Variants in SEC14L4 observed in about 807,000 individuals in gnomAD.
SEC14L4 encodes SEC14-like protein 4.
In SEC14L4, 42 loss-of-function variants were observed where a neutral mutation model predicts 55.1. The ratio of observed to expected loss-of-function variants is 0.76; its 90% CI spans 0.60 to 0.99. The LOEUF (loss-of-function observed/expected upper bound fraction) is 0.99. Ranked by LOEUF, SEC14L4 falls within the 50% of genes least tolerant of loss-of-function variation. The pLI, the probability that SEC14L4 is intolerant of heterozygous loss-of-function variation, is 0.00. For missense variants in SEC14L4, 445 were observed against 512.1 expected, an observed-to-expected ratio of 0.87 and a Z score of 1.27; for synonymous variants, 206 against 206.8, an observed-to-expected ratio of 1.00 and a Z score of 0.03.
At position 30,489,843 on chromosome 22, in the gene SEC14L4, G is replaced by A; in HGVS notation, c.*264C>T. Reference sequence around the variant, plus strand: ...AGCAGGACCCATCCTCAGTGGACTGGATCATCTTCAGCGTTCTCATTCTCA... The same window carrying A: ...AGCAGGACCCATCCTCAGTGGACTGAATCATCTTCAGCGTTCTCATTCTCA... On this transcript the variant is annotated 3_prime_UTR_variant, in exon 12 of 12. Transcript: ENST00000255858. The A allele has an allele frequency of 6.5e-7, 1 of 1,549,932 alleles. No individual in the cohort carries two copies. The highest frequency in any genetic ancestry group is 8.7e-7 in the Non-Finnish European group (1 of 1,145,274).
intron 9 of SEC14L4, 22 bp from the exon 10 acceptor site, chr22:30,491,995 G>A (rs765417579): frequency 3.1e-6 from 5 of 1,613,874 alleles, no homozygotes; most frequent in Non-Finnish European, 3.4e-6. Context: ...GGGGGTGTGT[G>A]GGCACTAGAT....
intron 7 of SEC14L4, among the ~76,000 whole-genome samples, chr22:30,493,703 A>G (rs1017217439): frequency 6.6e-6 from 1 of 152,196 alleles, no homozygotes; most frequent in Admixed American, 6.6e-5. Context: ...AAGGACTGAA[A>G]CTAAAAAATA....
chr22:30,491,173 C>T (rs1315239319), intron 11 of SEC14L4, among the ~76,000 whole-genome samples: 1 of 152,148 alleles, frequency 6.6e-6, no homozygotes, highest in African/African-American at 2.4e-5. Flanking sequence ...CTGCATCTGG[C>T]CTGGAAGGCC....
intron 2 of SEC14L4, among the ~76,000 whole-genome samples, chr22:30,502,918 C>T (rs1936375442): frequency 6.6e-6 from 1 of 152,200 alleles, no homozygotes; most frequent in South Asian, 2.1e-4. Flanking sequence ...TTCGCTAAAT[C>T]CACTTCCTTA....
chr22:30,491,510 G>C (rs749587670), intron 11 of SEC14L4, 63 bp downstream of exon 11: 7 of 1,594,812 alleles, frequency 4.4e-6, no homozygotes, highest in Non-Finnish European at 6.0e-6. Context: ...GAGCTGGAAA[G>C]AGAGGGCAAG....
At chr22:30,503,648 C>G (rs1416583494) in intron 2 of SEC14L4, 29 bp downstream of exon 2, 1 of 1,534,536 alleles carries the variant, frequency 6.5e-7, no homozygotes, top group South Asian at 1.1e-5. Context: ...CCCTCCCTTT[C>G]TGCGTCCCCT....
chr22:30,491,206 G>T (rs1935938835), intron 11 of SEC14L4, among the ~76,000 whole-genome samples: 1 of 152,300 alleles, frequency 6.6e-6, no homozygotes, highest in Admixed American at 6.5e-5. Context: ...ATAAGCACCT[G>T]GAGGAAGTCA....
In SEC14L4 at chr22:30,505,606, G is replaced by A. The variant is rs753735197; in HGVS notation, c.6C>T (p.Ser2=). Reference sequence around the variant, plus strand: ...GGGGGCTCAGGTCCCCGACTCGGCTGCTCATGGTGCCCGCGGGCGCAGAAA... The same window carrying A: ...GGGGGCTCAGGTCCCCGACTCGGCTACTCATGGTGCCCGCGGGCGCAGAAA... The part of the protein sequence containing the change: M[S]SRVGDLSPQQ... Residue 2 remains serine (S), a synonymous_variant, in exon 1 of 12, where the codon AGC becomes AGT. Coordinates refer to ENST00000255858, the MANE Select transcript of SEC14L4 (RefSeq NM_174977.4). 2.9e-5 allele frequency: 45 copies of A among 1,559,524 alleles called. No individual in the cohort carries two copies. The highest frequency in any genetic ancestry group is 3.8e-5 in the Non-Finnish European group (44 of 1,157,010).
rs113436402 is a variant in SEC14L4, at chr22:30,495,985, A to C, written c.131-14T>G. On this transcript the variant is annotated splice_polypyrimidine_tract_variant and intron_variant, in intron 2 of 11. Transcript: ENST00000255858. ...CAAAGTTTCGAGCTGCAAGAAGAGG[A>C]GGTAAATAGAAGCTCAAGGCTAGAT... 6.2e-7 allele frequency: 1 copy of C among 1,601,814 alleles called. No homozygotes were observed. The highest frequency in any genetic ancestry group is 1.3e-5 in the African/African-American group (1 of 74,804).
In SEC14L4 at chr22:30,495,393, C is replaced by T. The variant is rs528348207; in HGVS notation, c.284G>A (p.Gly95Asp). 4.3e-6 allele frequency: 7 copies of T among 1,614,066 alleles called. No homozygotes were observed. Among genetic ancestry groups the T allele is most frequent in the African/African-American group, 1.3e-5 (1 of 75,050 alleles). The change falls in exon 5 of 12, where the codon GGC becomes GAC. Residue 95 changes from glycine to aspartate, a missense_variant. Gly to Asp is a moderately conservative substitution (Grantham distance 94, BLOSUM62 -1). Coordinates refer to ENST00000255858, the MANE Select transcript of SEC14L4 (RefSeq NM_174977.4). ...AATGATGTTGAAGTACACAGGGCAGCCTTCGTAGTCGTAGCCACAAAGACC... is the reference window on the plus strand; with the variant it reads ...AATGATGTTGAAGTACACAGGGCAGTCTTCGTAGTCGTAGCCACAAAGACC... ...SGGLCGYDYE[G>D]CPVYFNIIGS...
chr22:30,502,619 C>T (rs1325662072), intron 2 of SEC14L4, among the ~76,000 whole-genome samples: 1 of 152,184 alleles, frequency 6.6e-6, no homozygotes, highest in Non-Finnish European at 1.5e-5. Flanking sequence ...GGTACAATCT[C>T]AGCTCACTGC....
intron 2 of SEC14L4, among the ~76,000 whole-genome samples, chr22:30,496,568 C>T (rs7287943): frequency 6.6e-6 from 1 of 151,818 alleles, no homozygotes; most frequent in Admixed American, 6.5e-5. Flanking sequence ...GACACCCCCC[C>T]CCACCACCTG....
chr22:30,493,990 G>A (rs1172032732), intron 7 of SEC14L4, among the ~76,000 whole-genome samples, 160 bp downstream of exon 7: 2 of 151,982 alleles, frequency 1.3e-5, no homozygotes, highest in Non-Finnish European at 2.9e-5. Context: ...GGTGACAGAG[G>A]GAGACTCCAT....
chr22:30,502,291 C>T (rs1226549022), intron 2 of SEC14L4, among the ~76,000 whole-genome samples: 1 of 152,196 alleles, frequency 6.6e-6, no homozygotes, highest in South Asian at 2.1e-4. Context: ...ACTCACAGCG[C>T]CCTGAAGGTA....
chr22:30,500,282 T>C (rs546961330), intron 2 of SEC14L4, among the ~76,000 whole-genome samples: 6 of 152,334 alleles, frequency 3.9e-5, no homozygotes, highest in African/African-American at 1.4e-4. Context: ...ATTGGTCTGA[T>C]GACGTTTTCT....
Position 30,505,620 on chromosome 22 carries a change from C to CG in SEC14L4, c.-10dup, listed in dbSNP as rs1936465468. 1 of 1,551,594 alleles carries CG rather than the reference C, an allele frequency of 6.4e-7. No individual in the cohort carries two copies. Among genetic ancestry groups the CG allele is most frequent in the Non-Finnish European group, 8.7e-7 (1 of 1,153,538 alleles). On this transcript the variant is annotated 5_prime_UTR_variant, in exon 1 of 12. Transcript: ENST00000255858. ...CCGACTCGGCTGCTCATGGTGCCCG[C>CG]GGGCGCAGAAAGGCTCAGGGCGCAG...
intron 8 of SEC14L4, 131 bp from the exon 9 acceptor site, chr22:30,492,286 C>T (rs1935989539): frequency 1.6e-6 from 2 of 1,263,646 alleles, no homozygotes; most frequent in Admixed American, 2.0e-5. Flanking sequence ...CTAAGAGTAC[C>T]CAAGACCTTT....
At chr22:30,501,856 T>TATATATATATATATATATATATATAC (rs1936335986) in intron 2 of SEC14L4, among the ~76,000 whole-genome samples, 2 of 141,688 alleles carry the variant, frequency 1.4e-5, no homozygotes, top group African/African-American at 5.2e-5. Flanking sequence ...CATATATATA[T>TATATATATATATATATATATATATAC]ATATATATAT....
chr22:30,495,809 G>T (rs577957477), intron 3 of SEC14L4, 119 bp downstream of exon 3: 11 of 1,590,448 alleles, frequency 6.9e-6, no homozygotes, highest in Non-Finnish European at 9.4e-6. Context: ...GAAAGAGATC[G>T]GGGGAGGAAG....
Sources: allele counts gnomAD v4.1 joint callset (sites outside exome capture counted in the v4.1 genomes callset), GRCh38; gene constraint gnomAD v4.1.1; transcripts MANE v1.5; gene names NCBI Gene and HGNC (gene_info 2026-07-23, HGNC 2026-07-21).